CECR2: variants seen among roughly 807,000 people sequenced by gnomAD.
CECR2 encodes chromatin remodeling regulator CECR2.
A neutral mutation model predicts 154.5 loss-of-function variants in CECR2; 30 were observed. The observed-to-expected ratio is 0.19, with a 90% CI of 0.15 to 0.26. CECR2 has a LOEUF of 0.26. Among genes scored for constraint, CECR2 ranks in the 10% least tolerant of loss-of-function variants. CECR2 has a pLI of 1.00. For synonymous variants in CECR2, 725 were observed against 683.7 expected, an observed-to-expected ratio of 1.06 and a Z score of -0.94; for missense variants, 1,743 against 1,829.3, an observed-to-expected ratio of 0.95 and a Z score of 0.86.
intron 1 of CECR2, among the ~76,000 whole-genome samples, chr22:17,457,572 C>G (rs991969605): frequency 9.2e-5 from 14 of 152,306 alleles, no homozygotes; most frequent in African/African-American, 3.4e-4. Context: ...CCACTGTATC[C>G]CCAACAGCTA....
chr22:17,388,959 C>T (rs1222772893), intron 1 of CECR2, among the ~76,000 whole-genome samples: 1 of 152,014 alleles, frequency 6.6e-6, no homozygotes, highest in African/African-American at 2.4e-5. Context: ...ACTACAGGCA[C>T]ACTCCACCAT....
intron 1 of CECR2, among the ~76,000 whole-genome samples, chr22:17,461,524 C>A (rs1041296617): frequency 2.0e-5 from 3 of 152,164 alleles, no homozygotes; most frequent in African/African-American, 4.8e-5. Flanking sequence ...TAGGCACTTT[C>A]TCCTGAAACT....
Position 17,542,690 on chromosome 22 carries a change from T to TCGGTTA in CECR2, c.2549_2554dup (p.Arg850_Leu851dup), listed in dbSNP as rs778531009. ...GACCGCCCTGCAAGTCTGCCGGACATCGGTTACAGCCACCTCCAGTGCCAG... is the reference window on the plus strand; with the variant it reads ...GACCGCCCTGCAAGTCTGCCGGACATCGGTTACGGTTACAGCCACCTCCAGTGCCAG... On this transcript the variant is annotated inframe_insertion, in exon 16 of 19. Transcript: ENST00000262608. 1 of 1,613,992 alleles carries TCGGTTA rather than the reference T, an allele frequency of 6.2e-7. No individual in the cohort carries two copies. Among genetic ancestry groups the TCGGTTA allele is most frequent in the Non-Finnish European group, 8.5e-7 (1 of 1,179,904 alleles).
At chr22:17,552,221 G>A in intron 18 of CECR2, 79 bp downstream of exon 18, 1 of 1,323,452 alleles carries the variant, frequency 7.6e-7, no homozygotes, top group Admixed American at 1.9e-5. Context: ...TTGCTGTTCT[G>A]AAAAAATGTT....
chr22:17,418,350 G>T (rs1342491513), intron 1 of CECR2, among the ~76,000 whole-genome samples: 1 of 152,072 alleles, frequency 6.6e-6, no homozygotes, highest in African/African-American at 2.4e-5. Context: ...AAGCCTATGT[G>T]TTACTGCACT....
chr22:17,464,892 TTTTCTGAAAA>T (rs1171165340), intron 1 of CECR2, among the ~76,000 whole-genome samples: 1 of 152,164 alleles, frequency 6.6e-6, no homozygotes, highest in Non-Finnish European at 1.5e-5. Context: ...TCTGATAGTA[TTTTCTGAAAA>T]TTTTTCTAAG....
chr22:17,422,702 T>C (rs1299956553), intron 1 of CECR2, among the ~76,000 whole-genome samples: 5 of 151,918 alleles, frequency 3.3e-5, no homozygotes, highest in Non-Finnish European at 7.3e-5. Flanking sequence ...TTCTGTTTTT[T>C]TGGTCTTTTT....
At chr22:17,362,881 G>A (rs544521933) in intron 1 of CECR2, among the ~76,000 whole-genome samples, 3 of 132,080 alleles carry the variant, frequency 2.3e-5, no homozygotes, top group East Asian at 4.5e-4. Context: ...TAGCCTGGGC[G>A]ACAGAGCGAA....
At chr22:17,429,538 C>CAAAAAA (rs1224396016) in intron 1 of CECR2, among the ~76,000 whole-genome samples, 1 of 55,790 alleles carries the variant, frequency 1.8e-5, no homozygotes, top group Non-Finnish European at 3.2e-5. Context: ...CCCATCTCTA[C>CAAAAAA]CAAAAACAAA....
At chr22:17,428,806 G>GTGTGTGTGTGTGTGTC (rs1281796479) in intron 1 of CECR2, among the ~76,000 whole-genome samples, 13 of 149,578 alleles carry the variant, frequency 8.7e-5, no homozygotes, top group African/African-American at 3.2e-4. Context: ...ATTTGTGTGT[G>GTGTGTGTGTGTGTGTC]TGTGTGTGTG....
chr22:17,525,479 G>C (rs576796409), intron 9 of CECR2, among the ~76,000 whole-genome samples: 1 of 151,844 alleles, frequency 6.6e-6, no homozygotes, highest in East Asian at 1.9e-4. Flanking sequence ...GGTAGCTCAC[G>C]CCTGTAATCC....
chr22:17,494,471 A>G (rs1406410831), intron 2 of CECR2, among the ~76,000 whole-genome samples: 2 of 152,326 alleles, frequency 1.3e-5, no homozygotes, highest in East Asian at 3.9e-4. Flanking sequence ...CAGACAATGG[A>G]GAGGCAGCCA....
intron 2 of CECR2, among the ~76,000 whole-genome samples, chr22:17,488,370 A>G (rs1406401017): frequency 2.0e-5 from 3 of 152,218 alleles, no homozygotes; most frequent in African/African-American, 7.2e-5. Context: ...TTTGTAACAA[A>G]TGAGGGCACC....
At chr22:17,481,690 TTG>T (rs1017426018) in intron 2 of CECR2, among the ~76,000 whole-genome samples, 12 of 152,176 alleles carry the variant, frequency 7.9e-5, no homozygotes, top group African/African-American at 2.6e-4. Flanking sequence ...TCACACGAGG[TTG>T]TGATAGACAC....
intron 1 of CECR2, among the ~76,000 whole-genome samples, chr22:17,387,241 G>T (rs1481271521): frequency 6.6e-6 from 1 of 152,192 alleles, no homozygotes; most frequent in Non-Finnish European, 1.5e-5. Context: ...GAAATTTTCA[G>T]AGGTTATCTG....
intron 2 of CECR2, among the ~76,000 whole-genome samples, chr22:17,493,383 TAGAAG>T (rs1403201759): frequency 6.6e-6 from 1 of 152,212 alleles, no homozygotes; most frequent in Admixed American, 6.5e-5. Flanking sequence ...TTCTGTCCTA[TAGAAG>T]ATGAAGAACC....
At chr22:17,434,416 G>A (rs539179473) in intron 1 of CECR2, among the ~76,000 whole-genome samples, 33 of 152,272 alleles carry the variant, frequency 2.2e-4, no homozygotes, top group African/African-American at 5.8e-4. Flanking sequence ...TTCTGAGGCC[G>A]GATTCTGGAG....
chr22:17,378,386 TC>T (rs2063145881), intron 1 of CECR2, among the ~76,000 whole-genome samples: 1 of 145,248 alleles, frequency 6.9e-6, no homozygotes, highest in Admixed American at 6.9e-5. Flanking sequence ...AACCTCTGCC[TC>T]CCGGGTTCAC....
intron 8 of CECR2, among the ~76,000 whole-genome samples, chr22:17,522,891 G>A (rs2146960683): frequency 6.6e-6 from 1 of 151,868 alleles, no homozygotes; most frequent in Admixed American, 6.6e-5. Context: ...TGTAATCTCA[G>A]CTACTCGAGA....
Sources: gnomAD v4.1 joint callset for allele counts (sites outside exome capture counted in the v4.1 genomes callset) on GRCh38, gnomAD v4.1.1 for gene constraint, MANE v1.5 for transcripts, NCBI Gene and HGNC (gene_info 2026-07-23, HGNC 2026-07-21) for gene names.